The following LARGE1 variants were observed in gnomAD, a reference collection of about 807,000 sequenced individuals.
The protein encoded by LARGE1 is LARGE xylosyl- and glucuronyltransferase 1, also known as xylosyl- and glucuronyltransferase LARGE1.
In LARGE1, 43 loss-of-function variants were observed where a neutral mutation model predicts 87.6. The observed-to-expected ratio is 0.49, with a 90% confidence interval of 0.38 to 0.63. The LOEUF is 0.63. Ranked by LOEUF, LARGE1 falls within the 30% of genes least tolerant of loss-of-function variation. LARGE1 has a pLI of 0.00. For missense variants in LARGE1, 802 were observed against 1,000.2 expected (o/e 0.80, Z 2.67); for synonymous variants, 434 against 394.6 (o/e 1.10, Z -1.18).
chr22:33,831,626 T>A (rs1455274283), intron 1 of LARGE1, among the ~76,000 whole-genome samples: 1 of 152,056 alleles, frequency 6.6e-6, no homozygotes, highest in Admixed American at 6.5e-5. Context: ...AAAGTATTCC[T>A]AAGTTTTTAA....
At chr22:33,517,679 G>A (rs370379477) in intron 6 of LARGE1, among the ~76,000 whole-genome samples, 33 of 152,304 alleles carry the variant, frequency 2.2e-4, no homozygotes, top group African/African-American at 7.5e-4. Flanking sequence ...GATTACAGGC[G>A]TGAGCCACTG....
intron 11 of LARGE1, among the ~76,000 whole-genome samples, chr22:33,312,721 C>T (rs145521806): frequency 1.9e-3 from 282 of 152,328 alleles, no homozygotes; most frequent in Admixed American, 3.3e-3. Context: ...GTGAAACCCT[C>T]TCACTTGCAT....
the LARGE1 span, among the ~76,000 whole-genome samples, chr22:33,089,368 T>C: frequency 0.24 from 18,909 of 77,908 alleles, 1,817 homozygotes; most frequent in Non-Finnish European, 0.33. Flanking sequence ...TTCTTCTTCT[T>C]CTCCTTCTTC....
At chr22:33,400,754 T>C (rs1315722671) in intron 7 of LARGE1, among the ~76,000 whole-genome samples, 5 of 152,188 alleles carry the variant, frequency 3.3e-5, no homozygotes, top group African/African-American at 1.2e-4. Context: ...AGGGCACAAC[T>C]GAGTATGCCT....
chr22:33,375,805 T>C (rs1245105877), intron 9 of LARGE1, among the ~76,000 whole-genome samples: 1 of 152,192 alleles, frequency 6.6e-6, no homozygotes, highest in Non-Finnish European at 1.5e-5. Context: ...TGGAGTGCAG[T>C]GGCACAATCA....
At chr22:33,249,610 T>G (rs1326209398) in intron 11 of LARGE1, among the ~76,000 whole-genome samples, 1 of 152,204 alleles carries the variant, frequency 6.6e-6, no homozygotes, top group East Asian at 1.9e-4. Context: ...TAAAAGTCAT[T>G]ACTATACCCA....
intron 2 of LARGE1, among the ~76,000 whole-genome samples, chr22:33,744,723 C>T (rs886187233): frequency 2.0e-5 from 3 of 152,240 alleles, no homozygotes; most frequent in Admixed American, 2.0e-4. Flanking sequence ...CTGACTGGTA[C>T]AGTGCTCAGC....
chr22:33,187,331 C>T (rs1923527795), intron 11 of LARGE1, among the ~76,000 whole-genome samples: 1 of 152,128 alleles, frequency 6.6e-6, no homozygotes, highest in Non-Finnish European at 1.5e-5. Flanking sequence ...GAAATCCTGT[C>T]ATTTGTGACA....
At chr22:33,858,046 AT>A (rs2146563734) in intron 1 of LARGE1, among the ~76,000 whole-genome samples, 1 of 152,272 alleles carries the variant, frequency 6.6e-6, no homozygotes, top group South Asian at 2.1e-4. Context: ...AAGGAATGGA[AT>A]CTTGGGCCAT....
chr22:33,461,012 T>C (rs2068360320), intron 6 of LARGE1, among the ~76,000 whole-genome samples: 1 of 152,132 alleles, frequency 6.6e-6, no homozygotes, highest in Non-Finnish European at 1.5e-5. Flanking sequence ...TTTTAAAACC[T>C]GGCCTCAAAG....
At chr22:33,400,714 T>C (rs891732295) in intron 7 of LARGE1, among the ~76,000 whole-genome samples, 8 of 152,120 alleles carry the variant, frequency 5.3e-5, no homozygotes, top group Non-Finnish European at 1.0e-4. Context: ...TTCTGCAACT[T>C]CCAGCTTAAA....
chr22:33,606,306 G>A (rs1417442046), intron 4 of LARGE1, among the ~76,000 whole-genome samples: 1 of 152,064 alleles, frequency 6.6e-6, no homozygotes, highest in Non-Finnish European at 1.5e-5. Flanking sequence ...TTGGGAGGCT[G>A]AGGCAGGAAA....
the LARGE1 span, among the ~76,000 whole-genome samples, chr22:33,125,789 C>T: frequency 6.8e-4 from 104 of 151,968 alleles, no homozygotes; most frequent in African/African-American, 2.5e-3. Context: ...ATTTAGTCAC[C>T]CAGGCTGGAG....
intron 9 of LARGE1, among the ~76,000 whole-genome samples, chr22:33,353,814 G>C (rs557567764): frequency 3.3e-4 from 51 of 152,328 alleles, no homozygotes; most frequent in African/African-American, 1.1e-3. Flanking sequence ...TATGGAGTAA[G>C]GTCACAGAGT....
intron 1 of LARGE1, among the ~76,000 whole-genome samples, chr22:33,912,598 A>C (rs1243051193): frequency 6.6e-6 from 1 of 152,118 alleles, no homozygotes; most frequent in African/African-American, 2.4e-5. Context: ...AATGCGACAA[A>C]AGAGGCTCAA....
intron 1 of LARGE1, among the ~76,000 whole-genome samples, chr22:33,846,578 A>T (rs34780334): frequency 0.18 from 27,803 of 152,220 alleles, 2,712 homozygotes; most frequent in Middle Eastern, 0.27. Context: ...ACGGTGAGCC[A>T]GGTGGAACAG....
intron 1 of LARGE1, among the ~76,000 whole-genome samples, chr22:33,786,135 G>A (rs941130495): frequency 3.9e-5 from 6 of 152,126 alleles, no homozygotes; most frequent in African/African-American, 1.4e-4. Context: ...TGTCTTTTGG[G>A]CATAAGTAGG....
intron 10 of LARGE1, among the ~76,000 whole-genome samples, chr22:33,326,495 C>A (rs1937256782): frequency 1.3e-5 from 2 of 152,192 alleles, no homozygotes. Context: ...CCCTGTCTTA[C>A]TTTATTGATT....
the LARGE1 span, among the ~76,000 whole-genome samples, chr22:33,089,371 C>CTTCTTCTCCTCCTT: frequency 7.9e-5 from 6 of 76,090 alleles, no homozygotes; most frequent in Admixed American, 1.3e-4. Context: ...TTCTTCTTCT[C>CTTCTTCTCCTCCTT]CTTCTTCTTC....
Sources: gnomAD v4.1 joint callset for allele counts (sites outside exome capture counted in the v4.1 genomes callset) on GRCh38, gnomAD v4.1.1 for gene constraint, MANE v1.5 for transcripts, NCBI Gene and HGNC (gene_info 2026-07-23, HGNC 2026-07-21) for gene names.